The following NRXN3 variants were observed in gnomAD, a reference collection of about 807,000 sequenced individuals.
NRXN3 encodes the protein neurexin 3.
A neutral mutation model predicts 137.6 loss-of-function variants in NRXN3; 32 were observed. The ratio of observed to expected loss-of-function variants is 0.23; its 90% CI spans 0.18 to 0.31. The LOEUF is 0.31. Among genes scored for constraint, NRXN3 ranks in the 10% least tolerant of loss-of-function variants. The probability of loss-of-function intolerance (pLI) is 1.00; values close to 1 mark genes in which losing one functional copy is unlikely to be tolerated. For missense variants in NRXN3, 1,574 were observed against 2,062.5 expected, an observed-to-expected ratio of 0.76 and a Z score of 4.59; for synonymous variants, 798 against 784.5, an observed-to-expected ratio of 1.02 and a Z score of -0.29.
At chr14:79,236,462 T>A (rs2073383319) in intron 15 of NRXN3, among the ~76,000 whole-genome samples, 1 of 152,110 alleles carries the variant, frequency 6.6e-6, no homozygotes, top group Admixed American at 6.6e-5. Flanking sequence ...TTTCTCAATA[T>A]CTTAGAAGAA....
intron 4 of NRXN3, among the ~76,000 whole-genome samples, chr14:78,587,839 T>TA (rs1173420035): frequency 1.3e-5 from 2 of 152,228 alleles, no homozygotes; most frequent in Non-Finnish European, 2.9e-5. Context: ...TTGTGTTGTT[T>TA]ACCAGTTTTT....
chr14:79,432,010 T>C (rs1035577017), intron 15 of NRXN3, among the ~76,000 whole-genome samples: 3 of 152,144 alleles, frequency 2.0e-5, no homozygotes, highest in African/African-American at 7.2e-5. Context: ...CTTGATGACT[T>C]AAATCTGATC....
At chr14:78,195,864 T>G (rs1018066228) in intron 1 of NRXN3, among the ~76,000 whole-genome samples, 3 of 152,234 alleles carry the variant, frequency 2.0e-5, no homozygotes, top group African/African-American at 7.2e-5. Flanking sequence ...TGTAACCAAG[T>G]GCTTTTCCTG....
intron 15 of NRXN3, among the ~76,000 whole-genome samples, chr14:79,422,988 G>A (rs956709254): frequency 6.6e-5 from 10 of 152,192 alleles, no homozygotes; most frequent in Admixed American, 2.6e-4. Context: ...ATGGGTCACC[G>A]CGCCCGGCCT....
At chr14:79,467,087 C>G in intron 15 of NRXN3, 134 bp from the exon 16 acceptor site, 1 of 790,502 alleles carries the variant, frequency 1.3e-6, no homozygotes, top group Admixed American at 3.6e-5. Context: ...AGCCGTTCCT[C>G]TCAGTAACCA....
intron 10 of NRXN3, among the ~76,000 whole-genome samples, chr14:78,954,032 A>G (rs1283501263): frequency 1.3e-5 from 2 of 152,210 alleles, no homozygotes; most frequent in Non-Finnish European, 2.9e-5. Context: ...TTGCTTGAAT[A>G]GGCCAGAAAA....
chr14:78,584,248 A>G (rs1269126590), intron 4 of NRXN3, among the ~76,000 whole-genome samples: 3 of 152,236 alleles, frequency 2.0e-5, no homozygotes, highest in African/African-American at 7.2e-5. Flanking sequence ...TTGAACAAGC[A>G]GAAATTCATA....
intron 4 of NRXN3, among the ~76,000 whole-genome samples, chr14:78,510,914 G>C (rs1207409360): frequency 6.6e-6 from 1 of 152,148 alleles, no homozygotes; most frequent in Non-Finnish European, 1.5e-5. Flanking sequence ...CTCTCCCCAT[G>C]GTTGTATGTG....
At chr14:79,093,694 A>G (rs1391953898) in intron 15 of NRXN3, among the ~76,000 whole-genome samples, 1 of 152,160 alleles carries the variant, frequency 6.6e-6, no homozygotes, top group African/African-American at 2.4e-5. Context: ...AACTGAAAGC[A>G]CTTGGTGCAG....
At chr14:79,443,340 CT>C (rs1179418940) in intron 15 of NRXN3, among the ~76,000 whole-genome samples, 5 of 152,036 alleles carry the variant, frequency 3.3e-5, no homozygotes, top group African/African-American at 9.7e-5. Flanking sequence ...CTCATTTTCT[CT>C]TTTTTTTCCT....
Position 79,512,797 on chromosome 14 carries a change from C to T in NRXN3, c.3444+45395C>T, listed in dbSNP as rs961176311. The stretch of plus-strand genomic sequence containing the variant: ...TTATACCTCCATTTACTCCACAGTC[C>T]GTCTCTTCTAGAATGAAAGCTCCCA... On this transcript the variant is annotated intron_variant, in intron 16 of 20. Transcript: ENST00000335750. Among the ~76,000 whole-genome samples, 5 of 152,116 alleles carry T rather than the reference C, an allele frequency of 3.3e-5. No homozygotes were observed. In the East Asian group the frequency reaches 5.8e-4, roughly 18 times the overall value.
At chr14:79,640,632 A>C (rs1165193569) in intron 16 of NRXN3, among the ~76,000 whole-genome samples, 2 of 135,712 alleles carry the variant, frequency 1.5e-5, no homozygotes, top group East Asian at 3.9e-4. Flanking sequence ...TCCTATAAAG[A>C]AAACAAGTTT....
chr14:78,945,487 C>T (rs2099363361), intron 10 of NRXN3, among the ~76,000 whole-genome samples: 1 of 152,126 alleles, frequency 6.6e-6, no homozygotes, highest in Admixed American at 6.6e-5. Flanking sequence ...TTAGTCATTG[C>T]ATCTCTGAAC....
At chr14:79,370,303 G>GT (rs1599299484) in intron 15 of NRXN3, among the ~76,000 whole-genome samples, 3 of 139,370 alleles carry the variant, frequency 2.2e-5, no homozygotes, top group East Asian at 2.1e-4. Flanking sequence ...TTTTGTTTCT[G>GT]TTTTTTTGGG....
chr14:79,287,541 G>A (rs1198310485), intron 15 of NRXN3, among the ~76,000 whole-genome samples: 1 of 152,032 alleles, frequency 6.6e-6, no homozygotes, highest in African/African-American at 2.4e-5. Flanking sequence ...GTGTTTTTAG[G>A]GACAACTACC....
intron 18 of NRXN3, among the ~76,000 whole-genome samples, chr14:79,692,855 G>A (rs2098721519): frequency 6.6e-6 from 1 of 151,966 alleles, no homozygotes; most frequent in Non-Finnish European, 1.5e-5. Context: ...TATTTTCTAA[G>A]AGATTAAGGT....
At chr14:78,860,902 G>T (rs563433065) in intron 10 of NRXN3, among the ~76,000 whole-genome samples, 1 of 151,984 alleles carries the variant, frequency 6.6e-6, no homozygotes, top group African/African-American at 2.4e-5. Context: ...TTCAGTGTGA[G>T]CTTTATTGAA....
chr14:79,478,661 C>T (rs2096580918), intron 16 of NRXN3, among the ~76,000 whole-genome samples: 1 of 152,054 alleles, frequency 6.6e-6, no homozygotes, highest in Non-Finnish European at 1.5e-5. Context: ...AGTGAGCATG[C>T]CGTGTCATCA....
intron 15 of NRXN3, among the ~76,000 whole-genome samples, chr14:78,993,222 G>A (rs2099522542): frequency 6.6e-6 from 1 of 152,060 alleles, no homozygotes; most frequent in Non-Finnish European, 1.5e-5. Flanking sequence ...TTTTTTTAAT[G>A]TAGGTTGGTG....
Sources: allele counts gnomAD v4.1 joint callset (sites outside exome capture counted in the v4.1 genomes callset), GRCh38; gene constraint gnomAD v4.1.1; transcripts MANE v1.5; gene names NCBI Gene and HGNC (gene_info 2026-07-23, HGNC 2026-07-21).